ST6GALNAC5: variants seen among roughly 807,000 people sequenced by gnomAD.
ST6GALNAC5 encodes ST6 N-acetylgalactosaminide alpha-2,6-sialyltransferase 5, also known as alpha-N-acetylgalactosaminide alpha-2,6-sialyltransferase 5.
Under a neutral mutation model 33.6 loss-of-function variants are expected in ST6GALNAC5, and 27 were observed. That is an observed-to-expected ratio of 0.80 (90% CI 0.59 to 1.11). The LOEUF is 1.11. Ranked by LOEUF, ST6GALNAC5 falls within the 50% of genes least tolerant of loss-of-function variation. The pLI, the probability that ST6GALNAC5 is intolerant of heterozygous loss-of-function variation, is 0.00. For missense variants in ST6GALNAC5, 428 were observed against 454.0 expected, an observed-to-expected ratio of 0.94 and a Z score of 0.52; for synonymous variants, 194 against 171.2, an observed-to-expected ratio of 1.13 and a Z score of -1.04.
chr1:76,913,994 G>A (rs147912231), intron 2 of ST6GALNAC5, among the ~76,000 whole-genome samples: 5,534 of 152,238 alleles, frequency 0.036, 347 homozygotes, highest in African/African-American at 0.13. Context: ...CTTCAGCAAA[G>A]TCTCAGGAAA....
intron 3 of ST6GALNAC5, among the ~76,000 whole-genome samples, chr1:77,049,562 G>A (rs1218839864): frequency 6.6e-6 from 1 of 151,790 alleles, no homozygotes; most frequent in Non-Finnish European, 1.5e-5. Flanking sequence ...TGAATGGTGG[G>A]GTGCACCAGT....
intron 2 of ST6GALNAC5, among the ~76,000 whole-genome samples, chr1:76,872,850 C>T (rs906716665): frequency 6.6e-6 from 1 of 152,182 alleles, no homozygotes; most frequent in African/African-American, 2.4e-5. Flanking sequence ...TGATGAAACC[C>T]TGTTACCACA....
chr1:76,897,284 A>G (rs1222428720), intron 2 of ST6GALNAC5, among the ~76,000 whole-genome samples: 1 of 152,130 alleles, frequency 6.6e-6, no homozygotes, highest in Non-Finnish European at 1.5e-5. Context: ...TGGATTGTGG[A>G]GGGAGGTATT....
intron 2 of ST6GALNAC5, among the ~76,000 whole-genome samples, chr1:76,916,416 C>G (rs1646975639): frequency 6.6e-6 from 1 of 152,174 alleles, no homozygotes; most frequent in South Asian, 2.1e-4. Flanking sequence ...TATTCAAGTG[C>G]TATACATTGG....
At chr1:77,015,591 G>C (rs1202880685) in intron 2 of ST6GALNAC5, among the ~76,000 whole-genome samples, 2 of 152,188 alleles carry the variant, frequency 1.3e-5, no homozygotes, top group African/African-American at 4.8e-5. Flanking sequence ...GGAGGAGACA[G>C]ACCTGAATGC....
chr1:77,012,882 C>T (rs949016102), intron 2 of ST6GALNAC5, among the ~76,000 whole-genome samples: 1 of 152,158 alleles, frequency 6.6e-6, no homozygotes, highest in African/African-American at 2.4e-5. Context: ...AAACCAGCAA[C>T]AGCTTAATGT....
chr1:76,887,660 T>C (rs1212626593), intron 2 of ST6GALNAC5, among the ~76,000 whole-genome samples: 1 of 152,136 alleles, frequency 6.6e-6, no homozygotes, highest in East Asian at 1.9e-4. Context: ...TCTGACCGAT[T>C]CCAGTTACAA....
At chr1:76,898,198 G>A (rs1646774304) in intron 2 of ST6GALNAC5, among the ~76,000 whole-genome samples, 1 of 152,178 alleles carries the variant, frequency 6.6e-6, no homozygotes, top group African/African-American at 2.4e-5. Context: ...GGCTGTGGGT[G>A]TTCCTCGGCC....
At chr1:77,058,642 T>C (rs2100479956) in intron 4 of ST6GALNAC5, among the ~76,000 whole-genome samples, 1 of 152,364 alleles carries the variant, frequency 6.6e-6, no homozygotes, top group South Asian at 2.1e-4. Flanking sequence ...GGCTTTTTTC[T>C]TTATAAATTA....
intron 2 of ST6GALNAC5, among the ~76,000 whole-genome samples, chr1:76,994,023 G>A (rs1649834191): frequency 6.6e-6 from 1 of 152,150 alleles, no homozygotes; most frequent in Non-Finnish European, 1.5e-5. Flanking sequence ...CACACACTGT[G>A]AAATATCCAA....
chr1:76,939,968 C>T (rs908345945), intron 2 of ST6GALNAC5, among the ~76,000 whole-genome samples: 1 of 152,014 alleles, frequency 6.6e-6, no homozygotes, highest in Non-Finnish European at 1.5e-5. Context: ...GTACTTTCCT[C>T]ATAGGGCAGT....
intron 2 of ST6GALNAC5, among the ~76,000 whole-genome samples, chr1:76,994,735 A>G (rs921809729): frequency 6.6e-6 from 1 of 152,216 alleles, no homozygotes; most frequent in Non-Finnish European, 1.5e-5. Context: ...CAATGTCAAG[A>G]GAAAAACACA....
At chr1:76,997,948 C>G (rs1283212097) in intron 2 of ST6GALNAC5, among the ~76,000 whole-genome samples, 2 of 152,146 alleles carry the variant, frequency 1.3e-5, no homozygotes, top group Non-Finnish European at 2.9e-5. Context: ...TTCCTCTATG[C>G]TGTTCTCATG....
At chr1:76,946,745 T>G (rs1231465048) in intron 2 of ST6GALNAC5, among the ~76,000 whole-genome samples, 1 of 152,172 alleles carries the variant, frequency 6.6e-6, no homozygotes, top group African/African-American at 2.4e-5. Flanking sequence ...TTTGGGCTTC[T>G]GCTTTTGTGT....
rs139547045 is a variant in ST6GALNAC5 at position 77,042,109 on chromosome 1, T to C, written c.262-2095T>C. Among the ~76,000 whole-genome samples the C allele has an allele frequency of 4.3e-3, 656 of 152,362 alleles. 3 individuals are homozygous for C. Among genetic ancestry groups the C allele is most frequent in the African/African-American group, 0.015 (608 of 41,588 alleles). The stretch of plus-strand genomic sequence containing the variant: ...TGCTTCATTTTTCTACCCTTCAATA[T>C]TCTCATTTGTAAAATGGGAGTGATA... On this transcript the variant is annotated intron_variant, in intron 2 of 4. Coordinates refer to ENST00000477717, the MANE Select transcript of ST6GALNAC5 (RefSeq NM_030965.3).
At chr1:76,989,428 G>A (rs766986381) in intron 2 of ST6GALNAC5, among the ~76,000 whole-genome samples, 1 of 151,550 alleles carries the variant, frequency 6.6e-6, no homozygotes, top group Non-Finnish European at 1.5e-5. Context: ...TAATTTGAAG[G>A]ATTTTTTTTC....
At chr1:77,011,511 A>G (rs967589871) in intron 2 of ST6GALNAC5, among the ~76,000 whole-genome samples, 2 of 152,204 alleles carry the variant, frequency 1.3e-5, no homozygotes, top group Non-Finnish European at 1.5e-5. Context: ...AGGTTTGGGA[A>G]TTACAGTCCT....
At chr1:77,013,036 C>T (rs756051573) in intron 2 of ST6GALNAC5, among the ~76,000 whole-genome samples, 2 of 152,112 alleles carry the variant, frequency 1.3e-5, no homozygotes, top group Non-Finnish European at 2.9e-5. Flanking sequence ...TTGCAGTTAC[C>T]CAGGCTGATA....
intron 2 of ST6GALNAC5, among the ~76,000 whole-genome samples, chr1:76,949,064 T>C (rs926326897): frequency 3.3e-5 from 5 of 152,150 alleles, no homozygotes. Flanking sequence ...GAAACACAGC[T>C]ACTGTTGCTT....
Sources: gnomAD v4.1 joint callset for allele counts (sites outside exome capture counted in the v4.1 genomes callset) on GRCh38, gnomAD v4.1.1 for gene constraint, MANE v1.5 for transcripts, NCBI Gene and HGNC (gene_info 2026-07-23, HGNC 2026-07-21) for gene names.